The following KDM1A variants were observed in gnomAD, a reference collection of about 807,000 sequenced individuals.
KDM1A encodes lysine demethylase 1A.
Under a neutral mutation model 109.4 loss-of-function variants are expected in KDM1A, and 49 were observed. That is an observed-to-expected ratio of 0.45 (90% CI 0.36 to 0.57). The LOEUF is 0.57. Among genes scored for constraint, KDM1A ranks in the 20% least tolerant of loss-of-function variants. The pLI, the probability that KDM1A is intolerant of heterozygous loss-of-function variation, is 0.00. For synonymous variants in KDM1A, 380 were observed against 415.4 expected (o/e 0.91, Z 1.04); for missense variants, 668 against 1,116.6 (o/e 0.60, Z 5.73).
chr1:23,067,997 A>T (rs1643203853), intron 10 of KDM1A, among the ~76,000 whole-genome samples: 2 of 152,230 alleles, frequency 1.3e-5, no homozygotes, highest in Non-Finnish European at 2.9e-5. Flanking sequence ...TGTGCAAAAG[A>T]ATAAAAGTGC....
Position 23,030,450 on chromosome 1 carries a change from TG to T in KDM1A, c.352-17del. The T allele has an allele frequency of 6.7e-7, 1 of 1,486,344 alleles. No homozygotes were observed. Among genetic ancestry groups the T allele is most frequent in the Non-Finnish European group, 8.9e-7 (1 of 1,118,708 alleles). 92.1% of individuals were successfully genotyped at this position (1,486,344 alleles called of 1,614,324 possible). ...AATGTTCACTGCATTTAGCTTTCCCTGGTATGATCTCCATATAGGTAGAGTA... is the reference window on the plus strand; with the variant it reads ...AATGTTCACTGCATTTAGCTTTCCCTGTATGATCTCCATATAGGTAGAGTA... On this transcript the variant is annotated intron_variant, in intron 1 of 20. Transcript: ENST00000400181.
chr1:23,055,228 T>C (rs1642796376), intron 6 of KDM1A, 67 bp downstream of exon 6: 1 of 835,948 alleles, frequency 1.2e-6, no homozygotes, highest in South Asian at 1.8e-5. Context: ...CTGTATTTTA[T>C]ATCTATGATG....
In KDM1A at chr1:23,019,634, C is replaced by T. The variant is rs1287034202; in HGVS notation, c.38C>T (p.Ala13Val). The change falls in exon 1 of 21, where the codon GCG (alanine) becomes GTG (valine). Residue 13 changes from alanine to valine, a missense_variant. Around this residue, in one of 8 missense-constraint regions of KDM1A, gnomAD observed 156 missense variants for 163.4 expected, o/e 0.95. Coordinates refer to ENST00000400181, the MANE Select transcript of KDM1A (RefSeq NM_001009999.3). ...SGKKAAAAAA[A>V]AAAAATGTEA... ...AAGAAGGCGGCAGCCGCGGCGGCGG[C>T]GGCTGCAGCGGCAGCAACCGGGACG... is the stretch of plus-strand genomic sequence containing the variant. 4 of 1,413,520 alleles carry T rather than the reference C, an allele frequency of 2.8e-6. No homozygotes were observed. Among genetic ancestry groups the T allele is most frequent in the South Asian group, 1.5e-5 (1 of 65,344 alleles). 87.6% of individuals were successfully genotyped at this position (1,413,520 alleles called of 1,614,324 possible).
chr1:23,079,559 T>G lies in KDM1A; in HGVS notation c.2062T>G (p.Leu688Val), dbSNP rs996944521. The change falls in exon 18 of 21, where the codon TTG (leucine) becomes GTG (valine). Residue 688 changes from leucine to valine, a missense_variant. Physicochemically the swap from Leu to Val is conservative, Grantham distance 32. This residue lies in a region of KDM1A where 162 missense variants were observed against 376.4 expected (regional missense o/e 0.43). Transcript: ENST00000400181. This position sits in a 1 kb window ranked among gnomAD's most constrained non-coding sequence, Gnocchi z 5.6. Reference sequence around the variant, plus strand: ...TGCTTCTTTCTTATGGTAGGTGGTGTTGTGTTTTGATCGGGTGTTCTGGGA... The same window carrying G: ...TGCTTCTTTCTTATGGTAGGTGGTGGTGTGTTTTGATCGGGTGTTCTGGGA... ...MGFGNLNKVV[L>V]CFDRVFWDPS... 8.7e-6 allele frequency: 14 copies of G among 1,612,936 alleles called. No homozygotes were observed. The highest frequency in any genetic ancestry group is 1.7e-5 in the Admixed American group (1 of 59,828).
chr1:23,080,666 G>A (rs1474133540), intron 18 of KDM1A, among the ~76,000 whole-genome samples: 1 of 152,120 alleles, frequency 6.6e-6, no homozygotes, highest in Non-Finnish European at 1.5e-5. Flanking sequence ...CTGCCTCAGA[G>A]CCTCTGCGTG....
At chr1:23,031,088 C>T (rs181827183) in intron 2 of KDM1A, among the ~76,000 whole-genome samples, 1 of 152,226 alleles carries the variant, frequency 6.6e-6, no homozygotes, top group East Asian at 1.9e-4. Flanking sequence ...CGGTGTGGAT[C>T]GGTTTTGAGA....
At chr1:23,080,674 G>A (rs944059923) in intron 18 of KDM1A, among the ~76,000 whole-genome samples, 7 of 152,116 alleles carry the variant, frequency 4.6e-5, no homozygotes, top group African/African-American at 7.2e-5. Flanking sequence ...GAGCCTCTGC[G>A]TGTACTGTGG....
intron 2 of KDM1A, among the ~76,000 whole-genome samples, chr1:23,035,038 T>C (rs1642101459): frequency 6.6e-6 from 1 of 152,188 alleles, no homozygotes; most frequent in Admixed American, 6.5e-5. Context: ...ATGTGATTGG[T>C]AACAAGTCTG....
chr1:23,077,934 T>C (rs937459027), intron 16 of KDM1A, among the ~76,000 whole-genome samples: 26 of 152,226 alleles, frequency 1.7e-4, no homozygotes, highest in Non-Finnish European at 3.2e-4. Flanking sequence ...TTCCCTGTGC[T>C]TGCTATGGGG....
At chr1:23,066,269 G>GT (rs1240731522) in intron 10 of KDM1A, among the ~76,000 whole-genome samples, 198 bp downstream of exon 10, 2 of 152,148 alleles carry the variant, frequency 1.3e-5, no homozygotes, top group African/African-American at 4.8e-5. Flanking sequence ...AAAACATTAG[G>GT]TTTTTTGTGG....
chr1:23,034,857 C>G (rs563782963), intron 2 of KDM1A, among the ~76,000 whole-genome samples: 12 of 152,182 alleles, frequency 7.9e-5, no homozygotes, highest in African/African-American at 2.9e-4. Flanking sequence ...CTTTCTTAAG[C>G]CTTTTTCAAG....
intron 6 of KDM1A, 80 bp from the exon 7 acceptor site, chr1:23,055,852 A>T: frequency 1.3e-6 from 1 of 796,390 alleles, no homozygotes. Flanking sequence ...TTAAGAACCT[A>T]GAGGTTTTCA....
chr1:23,079,199 T>G lies in KDM1A; in HGVS notation c.2055+22T>G. On this transcript the variant is annotated intron_variant, in intron 17 of 20. Coordinates refer to ENST00000400181, the MANE Select transcript of KDM1A (RefSeq NM_001009999.3). The surrounding 1 kb of genome is among the most constrained non-coding windows in gnomAD (Gnocchi z 5.6). ...CAAGGTAGCTTGCCCTAGACACTCC[T>G]GTCTACAGATCTGATGTACAAATAG... 1 of 1,609,636 alleles carries G rather than the reference T, an allele frequency of 6.2e-7. No homozygotes were observed. Among genetic ancestry groups the G allele is most frequent in the Non-Finnish European group, 8.5e-7 (1 of 1,177,050 alleles).
chr1:23,039,959 A>G (rs1018036579), intron 2 of KDM1A, among the ~76,000 whole-genome samples: 3 of 152,232 alleles, frequency 2.0e-5, no homozygotes, highest in East Asian at 3.8e-4. Context: ...AAGAAACTCA[A>G]TTAGTGCGTT....
At chr1:23,034,096 C>G (rs1052766776) in intron 2 of KDM1A, among the ~76,000 whole-genome samples, 3 of 151,918 alleles carry the variant, frequency 2.0e-5, no homozygotes, top group Non-Finnish European at 4.4e-5. Flanking sequence ...AATTTTTGAC[C>G]GTAAGTTAAT....
intron 7 of KDM1A, among the ~76,000 whole-genome samples, chr1:23,056,363 A>G (rs181411723): frequency 6.0e-4 from 91 of 152,206 alleles, no homozygotes; most frequent in Admixed American, 2.6e-3. Flanking sequence ...TGATGGTGGA[A>G]CAGAGTGAAT....
chr1:23,043,078 G>C (rs1642400332), intron 2 of KDM1A, among the ~76,000 whole-genome samples: 1 of 152,228 alleles, frequency 6.6e-6, no homozygotes, highest in Admixed American at 6.5e-5. Flanking sequence ...AATAAAGCCA[G>C]AATTTACTAA....
chr1:23,082,187 CG>C, intron 19 of KDM1A, 32 bp from the exon 20 acceptor site: 1 of 1,608,566 alleles, frequency 6.2e-7, no homozygotes, highest in African/African-American at 1.3e-5. Flanking sequence ...CTTGGTGTCT[CG>C]TAATGACTTT....
At chr1:23,076,125 ATG>A in intron 15 of KDM1A, among the ~76,000 whole-genome samples, 1 of 152,286 alleles carries the variant, frequency 6.6e-6, no homozygotes, top group East Asian at 1.9e-4. Context: ...ATGTTTCAAT[ATG>A]TGTCTATTTG....
Sources: gnomAD v4.1 joint callset for allele counts (sites outside exome capture counted in the v4.1 genomes callset) on GRCh38, gnomAD v4.1.1 for gene constraint, gnomAD v4.1.1 regional missense constraint, Gnocchi (gnomAD v3.1) non-coding constraint, MANE v1.5 for transcripts, NCBI Gene and HGNC (gene_info 2026-07-23, HGNC 2026-07-21) for gene names.